LARP1B: variants seen among roughly 807,000 people sequenced by gnomAD.
LARP1B encodes the protein la-related protein 1B.
In LARP1B, 76 loss-of-function variants were observed where a neutral mutation model predicts 114.2. That is an observed-to-expected ratio of 0.67 (90% confidence interval 0.55 to 0.81). LARP1B has a LOEUF of 0.81. LARP1B is among the 30% of genes least tolerant of loss of function. The pLI is 0.00. For synonymous variants in LARP1B, 345 were observed against 348.0 expected (o/e 0.99, Z 0.10); for missense variants, 1,014 against 1,075.8 (o/e 0.94, Z 0.80).
chr4:128,076,738 G>T (rs758650172), intron 3 of LARP1B, among the ~76,000 whole-genome samples: 12 of 151,804 alleles, frequency 7.9e-5, no homozygotes, highest in Non-Finnish European at 1.8e-4. Context: ...TTTTGTGTGT[G>T]TGTGTGAGAC....
intron 7 of LARP1B, among the ~76,000 whole-genome samples, chr4:128,096,443 T>A (rs1265289404): frequency 6.6e-6 from 1 of 152,218 alleles, no homozygotes; most frequent in Non-Finnish European, 1.5e-5. Context: ...TACTGACAGT[T>A]CATCCATTTA....
At chr4:128,084,021 A>G (rs1772145164) in intron 5 of LARP1B, among the ~76,000 whole-genome samples, 1 of 150,206 alleles carries the variant, frequency 6.7e-6, no homozygotes, top group Admixed American at 6.6e-5. Flanking sequence ...CACATCTCAG[A>G]CGATGGGCGG....
At chr4:128,085,309 G>A (rs1197888710) in intron 5 of LARP1B, among the ~76,000 whole-genome samples, 2 of 149,096 alleles carry the variant, frequency 1.3e-5, no homozygotes, top group Non-Finnish European at 3.0e-5. Flanking sequence ...TTGAGACTGT[G>A]GAGATAATAA....
intron 11 of LARP1B, among the ~76,000 whole-genome samples, chr4:128,128,155 G>A (rs1790267561): frequency 6.6e-6 from 1 of 152,140 alleles, no homozygotes; most frequent in Admixed American, 6.6e-5. Context: ...ATAAATTTAA[G>A]AGGAAAAAGT....
intron 11 of LARP1B, among the ~76,000 whole-genome samples, chr4:128,139,733 A>G (rs1250030489): frequency 6.6e-6 from 1 of 152,238 alleles, no homozygotes; most frequent in Non-Finnish European, 1.5e-5. Flanking sequence ...AGAAGTCTAA[A>G]TGACTGAGAA....
rs756050222 is a variant in LARP1B at position 128,091,397 on chromosome 4, C to A, written c.553C>A (p.Gln185Lys). Residue 185 changes from glutamine (Q) to lysine (K), a missense_variant, in exon 7 of 20, where the codon CAA (glutamine) becomes AAA (lysine). Transcript: ENST00000326639. The stretch of plus-strand genomic sequence containing the variant: ...TCAAGAACATGGTGAAAGGACTGAT[C>A]AACCATTTCAAACAGAACTTAATAC... ...GYQEHGERTD[Q>K]PFQTELNTSM... 6.8e-6 allele frequency: 11 copies of A among 1,612,250 alleles called. No homozygotes were observed. The highest frequency in any genetic ancestry group is 3.3e-5 in the Admixed American group (2 of 59,970).
chr4:128,112,784 T>C (rs956930591), intron 9 of LARP1B, among the ~76,000 whole-genome samples: 1 of 152,110 alleles, frequency 6.6e-6, no homozygotes, highest in Non-Finnish European at 1.5e-5. Context: ...GTGCCTACTG[T>C]ATTGAACAGC....
intron 7 of LARP1B, 128 bp downstream of exon 7, chr4:128,091,640 A>G: frequency 1.5e-6 from 1 of 657,790 alleles, no homozygotes; most frequent in South Asian, 2.4e-5. Flanking sequence ...TCTGTTGCCC[A>G]GGCTGGAGTG....
chr4:128,156,265 A>C (rs1735601972), intron 11 of LARP1B: 5 of 1,077,194 alleles, frequency 4.6e-6, no homozygotes, highest in Non-Finnish European at 5.5e-6. Flanking sequence ...CCCTTCCCCC[A>C]CCAGTCCAGC....
chr4:128,083,384 T>G (rs1359472199), intron 5 of LARP1B, among the ~76,000 whole-genome samples: 1 of 148,924 alleles, frequency 6.7e-6, no homozygotes, highest in East Asian at 2.1e-4. Flanking sequence ...CACCTCCCAG[T>G]AGGGGCGGCT....
intron 1 of LARP1B, among the ~76,000 whole-genome samples, chr4:128,072,203 G>C (rs1269090166): frequency 6.6e-6 from 1 of 152,082 alleles, no homozygotes; most frequent in Non-Finnish European, 1.5e-5. Context: ...GTTTTGCCAT[G>C]TTGGCCAGGC....
intron 11 of LARP1B, among the ~76,000 whole-genome samples, chr4:128,159,146 C>T (rs1470118383): frequency 1.4e-5 from 2 of 148,084 alleles, no homozygotes; most frequent in Admixed American, 6.8e-5. Flanking sequence ...GCGTTCCAGT[C>T]TGGGCAACAG....
chr4:128,075,898 T>A (rs1184699173), intron 3 of LARP1B, among the ~76,000 whole-genome samples: 1 of 152,216 alleles, frequency 6.6e-6, no homozygotes, highest in Non-Finnish European at 1.5e-5. Flanking sequence ...CAAATTTTTA[T>A]ATTTGTATAA....
chr4:128,060,989 T>C (rs1444780960), upstream of LARP1B, among the ~76,000 whole-genome samples: 1 of 151,960 alleles, frequency 6.6e-6, no homozygotes, highest in Non-Finnish European at 1.5e-5. Context: ...CCCAGGCCCT[T>C]GGCCGCCGTC....
intron 10 of LARP1B, among the ~76,000 whole-genome samples, chr4:128,115,768 G>C (rs1218389345): frequency 1.3e-5 from 2 of 152,148 alleles, no homozygotes; most frequent in African/African-American, 2.4e-5. Context: ...AGAGTCTTGT[G>C]CCTCAGCCAC....
chr4:128,084,893 G>C (rs184446062), intron 5 of LARP1B, among the ~76,000 whole-genome samples: 17 of 152,096 alleles, frequency 1.1e-4, no homozygotes, highest in African/African-American at 4.1e-4. Flanking sequence ...ATGGAGTCTC[G>C]TTCTGTTGCC....
chr4:128,122,149 A>G lies in LARP1B; in HGVS notation c.1485A>G (p.Leu495=), dbSNP rs1788152793. Residue 495 remains leucine (L), a synonymous_variant, in exon 11 of 20, where the codon CTA becomes CTG. Transcript: ENST00000326639. ...NDGLYYYEQD[L]WMEEDENKHT... is the part of the protein sequence containing the mutation. Reference sequence around the variant, plus strand: ...GCTTATACTATTATGAACAGGATCTATGGATGGAAGAAGATGAAAACAAAC... The same window carrying G: ...GCTTATACTATTATGAACAGGATCTGTGGATGGAAGAAGATGAAAACAAAC... The G allele has an allele frequency of 3.7e-6, 6 of 1,613,832 alleles. No homozygotes were observed. The highest frequency in any genetic ancestry group is 1.7e-5 in the Admixed American group (1 of 60,012).
At chr4:128,087,202 C>T (rs113964411) in intron 5 of LARP1B, among the ~76,000 whole-genome samples, 3 of 151,952 alleles carry the variant, frequency 2.0e-5, no homozygotes, top group South Asian at 2.1e-4. Flanking sequence ...ATTACAGGTG[C>T]GATCCACCGC....
chr4:128,155,641 G>T, intron 11 of LARP1B: 1 of 1,464,962 alleles, frequency 6.8e-7, no homozygotes, highest in South Asian at 1.1e-5. Flanking sequence ...AGCCATCCGG[G>T]CCCTGGGGCC....
Sources: allele counts gnomAD v4.1 joint callset (sites outside exome capture counted in the v4.1 genomes callset), GRCh38; gene constraint gnomAD v4.1.1; transcripts MANE v1.5; gene names NCBI Gene and HGNC (gene_info 2026-07-23, HGNC 2026-07-21).